EYS: variants seen among roughly 807,000 people sequenced by gnomAD.
EYS encodes EGF-like photoreceptor maintenance factor.
In EYS, 250 loss-of-function variants were observed where a neutral mutation model predicts 282.1. The ratio of observed to expected loss-of-function variants is 0.89; its 90% CI spans 0.80 to 0.98. The LOEUF is 0.98. Ranked by LOEUF, EYS falls within the 50% of genes least tolerant of loss-of-function variation. EYS has a pLI of 0.00. For synonymous variants in EYS, 1,355 were observed against 1,282.9 expected, an observed-to-expected ratio of 1.06 and a Z score of -1.20; for missense variants, 4,016 against 3,709.0, an observed-to-expected ratio of 1.08 and a Z score of -2.15.
chr6:64,881,552 A>G (rs1167504892), intron 19 of EYS, among the ~76,000 whole-genome samples: 1 of 151,848 alleles, frequency 6.6e-6, no homozygotes, highest in Non-Finnish European at 1.5e-5. Flanking sequence ...ATTTTGTTCA[A>G]TATCTCTCTT....
chr6:64,049,313 TCATC>T, intron 33 of EYS, among the ~76,000 whole-genome samples: 1 of 152,330 alleles, frequency 6.6e-6, no homozygotes, highest in African/African-American at 2.4e-5. Context: ...ATCCCTCTAT[TCATC>T]CATCTCTTCA....
At chr6:64,043,168 A>G (rs982929526) in intron 33 of EYS, among the ~76,000 whole-genome samples, 3 of 152,232 alleles carry the variant, frequency 2.0e-5, no homozygotes, top group Admixed American at 2.0e-4. Context: ...TAAACTAATG[A>G]TAAAATACCA....
At chr6:64,241,073 C>T (rs561638754) in intron 30 of EYS, among the ~76,000 whole-genome samples, 11 of 152,064 alleles carry the variant, frequency 7.2e-5, no homozygotes, top group Non-Finnish European at 1.6e-4. Context: ...TGTATTTGAA[C>T]CACCCTTGCA....
At chr6:64,345,347 A>C (rs1329331035) in intron 29 of EYS, among the ~76,000 whole-genome samples, 2 of 152,164 alleles carry the variant, frequency 1.3e-5, no homozygotes, top group African/African-American at 4.8e-5. Context: ...TGGTACCAAA[A>C]CAGAGATGTA....
At chr6:65,542,136 C>A (rs1768190476) in intron 2 of EYS, among the ~76,000 whole-genome samples, 1 of 152,074 alleles carries the variant, frequency 6.6e-6, no homozygotes, top group Non-Finnish European at 1.5e-5. Context: ...GACTTTTTAG[C>A]AGTTTTCATT....
chr6:64,205,347 A>G (rs1765581579), intron 31 of EYS, among the ~76,000 whole-genome samples: 1 of 152,028 alleles, frequency 6.6e-6, no homozygotes, highest in African/African-American at 2.4e-5. Flanking sequence ...CTTTATAATC[A>G]TGGTTAATTT....
chr6:64,838,866 T>C (rs1051251318), intron 19 of EYS, among the ~76,000 whole-genome samples: 1 of 151,992 alleles, frequency 6.6e-6, no homozygotes, highest in East Asian at 1.9e-4. Flanking sequence ...TCAATACCTA[T>C]GATACAATTT....
At chr6:63,809,800 T>TATA (rs1364406883) in intron 36 of EYS, among the ~76,000 whole-genome samples, 1 of 152,224 alleles carries the variant, frequency 6.6e-6, no homozygotes, top group Admixed American at 6.5e-5. Flanking sequence ...ATGTTATGCT[T>TATA]ATAAAACACT....
chr6:65,026,916 C>CAAAAAAAAAAAAAA lies in EYS; in HGVS notation c.2138-29227_2138-29214dup, dbSNP rs1260312589. Among the ~76,000 whole-genome samples, 97 of 107,810 alleles carry CAAAAAAAAAAAAAA rather than the reference C, an allele frequency of 9.0e-4. 3 individuals carry two copies. The highest frequency in any genetic ancestry group is 1.2e-3 in the Non-Finnish European group (62 of 50,354). The allele number at this position is 107,810 out of a possible 152,430, so 70.7% of individuals were successfully genotyped here. On this transcript the variant is annotated intron_variant, in intron 13 of 42. Transcript: ENST00000503581. The stretch of plus-strand genomic sequence containing the variant: ...TGGGCGACAGAGTGAGACTCCGTCT[C>CAAAAAAAAAAAAAA]AAAAAAAAAAAAAAGATTCAGATAT...
chr6:65,443,138 T>C (rs565750631), intron 5 of EYS, among the ~76,000 whole-genome samples: 10 of 147,290 alleles, frequency 6.8e-5, no homozygotes, highest in African/African-American at 2.2e-4. Context: ...ACATCATACA[T>C]ATATGTACAC....
intron 35 of EYS, among the ~76,000 whole-genome samples, chr6:63,958,539 G>A (rs1765917858): frequency 6.6e-6 from 1 of 152,168 alleles, no homozygotes; most frequent in African/African-American, 2.4e-5. Flanking sequence ...TTATTCAGAA[G>A]ATCTAACTAA....
chr6:65,123,293 G>A (rs1310999068), intron 12 of EYS, among the ~76,000 whole-genome samples: 2 of 152,022 alleles, frequency 1.3e-5, no homozygotes, highest in Non-Finnish European at 2.9e-5. Context: ...AAAGCATAAT[G>A]TATTCTGTAA....
rs186557419 is a variant in EYS, at chr6:65,112,055, C to T, written c.2024-54328G>A. ...CTCTGCATTTTAACAACTTGCCAAA[C>T]GCAGGCCCAGAGCAGTTTTTCTGAT... On this transcript the variant is annotated intron_variant, in intron 12 of 42. Transcript: ENST00000503581. 4.7e-4 allele frequency among the ~76,000 whole-genome samples: 71 copies of T among 152,222 alleles called. No individual in the cohort carries two copies. In the South Asian group the frequency reaches 6.6e-3, roughly 14 times the overall value.
Position 65,681,439 on chromosome 6 carries a change from A to G in EYS, c.-448+25696T>C, listed in dbSNP as rs143486479. The stretch of plus-strand genomic sequence containing the variant: ...AGAAAAATTTAAGTGAAATTAAATC[A>G]ATATCAATATTTCAGTGGAAAGCTT... On this transcript the variant is annotated intron_variant, in intron 1 of 42. Transcript: ENST00000503581. Among the ~76,000 whole-genome samples the G allele has an allele frequency of 3.7e-3, 560 of 152,184 alleles. 3 individuals are homozygous for G. The highest frequency in any genetic ancestry group is 0.02 in the East Asian group (102 of 5,156).
chr6:65,235,223 G>T (rs1766891497), intron 12 of EYS, among the ~76,000 whole-genome samples: 1 of 152,120 alleles, frequency 6.6e-6, no homozygotes, highest in Non-Finnish European at 1.5e-5. Flanking sequence ...CTTCAACATG[G>T]AAAATAGTAT....
chr6:65,637,271 T>C (rs1172902162), intron 2 of EYS, among the ~76,000 whole-genome samples: 2 of 152,226 alleles, frequency 1.3e-5, no homozygotes, highest in African/African-American at 4.8e-5. Flanking sequence ...CATTTAATCC[T>C]CACATTAATG....
At chr6:64,384,652 CATGCACTGAA>C (rs1772852127) in intron 29 of EYS, among the ~76,000 whole-genome samples, 1 of 152,108 alleles carries the variant, frequency 6.6e-6, no homozygotes, top group East Asian at 1.9e-4. Context: ...AGCAAGAGTC[CATGCACTGAA>C]AAGTGTAAGC....
At chr6:64,211,935 G>A (rs148340295) in intron 31 of EYS, among the ~76,000 whole-genome samples, 2,383 of 151,738 alleles carry the variant, frequency 0.016, 21 homozygotes, top group East Asian at 0.035. Context: ...GGCCAACATG[G>A]TAAAAACCCA....
Position 64,966,178 on chromosome 6 carries a change from CT to C in EYS, c.2260-20265del, listed in dbSNP as rs139203139. On this transcript the variant is annotated intron_variant, in intron 14 of 42. Coordinates refer to ENST00000503581, the MANE Select transcript of EYS (RefSeq NM_001142800.2). ...AAATGTATGTTTTTCTGAGTTGTTG[CT>C]TTATTATTTATATAGATAAGTATCA... Among the ~76,000 whole-genome samples the C allele has an allele frequency of 1.6e-3, 250 of 151,982 alleles. 5 individuals carry two copies. The East Asian group carries it at 0.045, about 27-fold the overall frequency.
Sources: allele counts gnomAD v4.1 joint callset (sites outside exome capture counted in the v4.1 genomes callset), GRCh38; gene constraint gnomAD v4.1.1; transcripts MANE v1.5; gene names NCBI Gene and HGNC (gene_info 2026-07-23, HGNC 2026-07-21).